The following FAM114A1 variants were observed in gnomAD, a reference collection of about 807,000 sequenced individuals.
FAM114A1 encodes the protein family with sequence similarity 114 member A1, also known as protein NOXP20.
A neutral mutation model predicts 64.3 loss-of-function variants in FAM114A1; 62 were observed. The ratio of observed to expected loss-of-function variants is 0.96; its 90% CI spans 0.79 to 1.19. The LOEUF is 1.19. Ranked by LOEUF, FAM114A1 falls within the 50% of genes most tolerant of loss-of-function variation. FAM114A1 has a pLI of 0.00. For synonymous variants in FAM114A1, 254 were observed against 251.1 expected (o/e 1.01, Z -0.11); for missense variants, 645 against 676.3 (o/e 0.95, Z 0.51).
At chr4:38,926,495 G>A (rs1308924364) in intron 9 of FAM114A1, among the ~76,000 whole-genome samples, 1 of 150,140 alleles carries the variant, frequency 6.7e-6, no homozygotes, top group Non-Finnish European at 1.5e-5. Flanking sequence ...CATTCTGTTG[G>A]CCAGGCTGGA....
chr4:38,910,824 C>T lies in FAM114A1; in HGVS notation c.792+2098C>T, dbSNP rs113986262. 4.7e-4 allele frequency among the ~76,000 whole-genome samples: 72 copies of T among 152,140 alleles called. 1 individual carries two copies. Among genetic ancestry groups the T allele is most frequent in the African/African-American group, 1.7e-3 (69 of 41,520 alleles). On this transcript the variant is annotated intron_variant, in intron 7 of 14. Coordinates refer to ENST00000358869, the MANE Select transcript of FAM114A1 (RefSeq NM_138389.4). ...TGCCCGTGATGGAGAGGAGTGGGCT[C>T]CGGGCGAGAGCTGTTGAGGAGGACA...
intron 3 of FAM114A1, among the ~76,000 whole-genome samples, chr4:38,883,240 G>A (rs1023689820): frequency 3.3e-5 from 5 of 152,106 alleles, no homozygotes; most frequent in Admixed American, 2.6e-4. Context: ...ATGATTACAT[G>A]TCCTCTAGTA....
chr4:38,891,621 C>G (rs1392884490), intron 3 of FAM114A1, 122 bp from the exon 4 acceptor site: 1 of 788,356 alleles, frequency 1.3e-6, no homozygotes, highest in Non-Finnish European at 2.0e-6. Flanking sequence ...AAACTATAAG[C>G]CAATTAGATA....
At chr4:38,915,808 A>G (rs1719003119) in intron 8 of FAM114A1, among the ~76,000 whole-genome samples, 1 of 149,420 alleles carries the variant, frequency 6.7e-6, no homozygotes, top group African/African-American at 2.5e-5. Flanking sequence ...TTTAGCAAGC[A>G]CTTAATGGCA....
chr4:38,911,975 C>T (rs1718596144), intron 7 of FAM114A1, among the ~76,000 whole-genome samples: 1 of 151,124 alleles, frequency 6.6e-6, no homozygotes, highest in South Asian at 2.1e-4. Flanking sequence ...AATTCCCCTG[C>T]CTCAGCCTCC....
chr4:38,937,639 A>T (rs1721220728), intron 13 of FAM114A1, among the ~76,000 whole-genome samples: 2 of 152,178 alleles, frequency 1.3e-5, no homozygotes, highest in South Asian at 4.1e-4. Context: ...GAAGCAATAG[A>T]AACACATTCT....
intron 14 of FAM114A1, among the ~76,000 whole-genome samples, chr4:38,943,182 ACT>A (rs1721703063): frequency 7.4e-6 from 1 of 135,116 alleles, no homozygotes; most frequent in South Asian, 2.4e-4. Flanking sequence ...TCAGAGCAAG[ACT>A]CTGTCTCAAA....
intron 2 of FAM114A1, among the ~76,000 whole-genome samples, chr4:38,868,894 A>C (rs1713739393): frequency 6.6e-6 from 1 of 152,184 alleles, no homozygotes. Flanking sequence ...AAAGAATCTG[A>C]TAAACTTCTT....
intron 13 of FAM114A1, 92 bp from the exon 14 acceptor site, chr4:38,940,876 A>G (rs1263942381): frequency 7.6e-7 from 1 of 1,307,842 alleles, no homozygotes; most frequent in African/African-American, 1.5e-5. Flanking sequence ...TCTGCAAGAG[A>G]TCCCTCAACA....
At chr4:38,917,836 C>G (rs1719220365) in intron 8 of FAM114A1, among the ~76,000 whole-genome samples, 1 of 152,186 alleles carries the variant, frequency 6.6e-6, no homozygotes, top group Non-Finnish European at 1.5e-5. Flanking sequence ...CTTTCTTTCC[C>G]TAGCCTGGAG....
intron 11 of FAM114A1, among the ~76,000 whole-genome samples, chr4:38,931,837 C>G (rs1720669161): frequency 6.6e-6 from 1 of 152,152 alleles, no homozygotes; most frequent in Non-Finnish European, 1.5e-5. Flanking sequence ...TGCCTGTACT[C>G]TCAGCTACTT....
chr4:38,906,533 T>G (rs1718024526), intron 6 of FAM114A1, among the ~76,000 whole-genome samples: 1 of 152,066 alleles, frequency 6.6e-6, no homozygotes. Context: ...ATTTATTTTG[T>G]TTTTTCTTTT....
At chr4:38,920,779 C>A (rs893600978) in intron 8 of FAM114A1, among the ~76,000 whole-genome samples, 4 of 152,210 alleles carry the variant, frequency 2.6e-5, no homozygotes, top group Non-Finnish European at 4.4e-5. Context: ...GGGACCCTGA[C>A]CCCTAAACAT....
intron 13 of FAM114A1, among the ~76,000 whole-genome samples, chr4:38,939,223 C>T (rs1386632727): frequency 6.6e-6 from 1 of 152,070 alleles, no homozygotes; most frequent in Non-Finnish European, 1.5e-5. Context: ...TGAACAAAAT[C>T]GGGACCACAC....
intron 13 of FAM114A1, among the ~76,000 whole-genome samples, chr4:38,938,028 C>T (rs562948012): frequency 8.4e-5 from 12 of 143,198 alleles, no homozygotes; most frequent in East Asian, 2.1e-4. Flanking sequence ...TGAGCCACGG[C>T]GCCCGACCTA....
chr4:38,923,297 C>T (rs1430174541), intron 9 of FAM114A1, among the ~76,000 whole-genome samples: 1 of 146,010 alleles, frequency 6.8e-6, no homozygotes, highest in Non-Finnish European at 1.5e-5. Flanking sequence ...GATATCGGCT[C>T]ACTGCAACCT....
At chr4:38,888,707 T>A (rs544426873) in intron 3 of FAM114A1, among the ~76,000 whole-genome samples, 37 of 152,344 alleles carry the variant, frequency 2.4e-4, no homozygotes, top group African/African-American at 8.2e-4. Flanking sequence ...TCTCATCTGA[T>A]GGCTTTTTTT....
At chr4:38,928,722 G>A (rs1458025453) in intron 9 of FAM114A1, among the ~76,000 whole-genome samples, 2 of 152,148 alleles carry the variant, frequency 1.3e-5, no homozygotes, top group African/African-American at 2.4e-5. Context: ...GGAACCTTGG[G>A]AAATTTCTCC....
At chr4:38,933,616 G>T (rs963136510) in intron 12 of FAM114A1, among the ~76,000 whole-genome samples, 2 of 152,156 alleles carry the variant, frequency 1.3e-5, no homozygotes, top group African/African-American at 4.8e-5. Flanking sequence ...GCAATCTAGT[G>T]AATATACATG....
Sources: gnomAD v4.1 joint callset for allele counts (sites outside exome capture counted in the v4.1 genomes callset) on GRCh38, gnomAD v4.1.1 for gene constraint, MANE v1.5 for transcripts, NCBI Gene and HGNC (gene_info 2026-07-23, HGNC 2026-07-21) for gene names.